Variants in PTPRM observed in about 807,000 individuals in gnomAD.
PTPRM encodes protein tyrosine phosphatase receptor type M, also known as receptor-type tyrosine-protein phosphatase mu.
In PTPRM, 47 loss-of-function variants were observed where a neutral mutation model predicts 186.7. The ratio of observed to expected loss-of-function variants is 0.25; its 90% CI spans 0.20 to 0.32. The LOEUF is 0.32. Among genes scored for constraint, PTPRM ranks in the 10% least tolerant of loss-of-function variants. The pLI, the probability that PTPRM is intolerant of heterozygous loss-of-function variation, is 1.00. For missense variants in PTPRM, 1,494 were observed against 1,865.0 expected (o/e 0.80, Z 3.66); for synonymous variants, 668 against 674.9 (o/e 0.99, Z 0.16).
chr18:8,029,181 C>G (rs1397343472), intron 7 of PTPRM, among the ~76,000 whole-genome samples: 1 of 151,878 alleles, frequency 6.6e-6, no homozygotes, highest in African/African-American at 2.4e-5. Context: ...TCATACCTGT[C>G]CTGCCTGGAG....
chr18:8,109,910 A>C (rs776937103), intron 11 of PTPRM, among the ~76,000 whole-genome samples: 4 of 152,202 alleles, frequency 2.6e-5, no homozygotes, highest in Non-Finnish European at 5.9e-5. Flanking sequence ...ATCCAGGATA[A>C]ACTAAAACAT....
intron 7 of PTPRM, among the ~76,000 whole-genome samples, chr18:7,998,177 A>G (rs1011369865): frequency 1.3e-5 from 2 of 152,170 alleles, no homozygotes; most frequent in African/African-American, 4.8e-5. Flanking sequence ...TATAGTGTAT[A>G]CACAAAAGAA....
chr18:7,747,276 G>A (rs891942190), intron 1 of PTPRM, among the ~76,000 whole-genome samples: 1 of 152,216 alleles, frequency 6.6e-6, no homozygotes, highest in Non-Finnish European at 1.5e-5. Context: ...GGAATCAGGT[G>A]CACTCTAGAG....
chr18:7,909,287 T>C (rs2050147796), intron 4 of PTPRM, among the ~76,000 whole-genome samples: 1 of 152,220 alleles, frequency 6.6e-6, no homozygotes, highest in African/African-American at 2.4e-5. Context: ...GCCATAGAAA[T>C]GGTGTTTATC....
chr18:8,051,442 C>T (rs1023271143), intron 7 of PTPRM, among the ~76,000 whole-genome samples: 3 of 152,144 alleles, frequency 2.0e-5, no homozygotes, highest in Non-Finnish European at 4.4e-5. Flanking sequence ...TCATTTTATC[C>T]CTGTGTCTCC....
intron 2 of PTPRM, among the ~76,000 whole-genome samples, chr18:7,778,571 C>T (rs1247858205): frequency 6.6e-6 from 1 of 152,104 alleles, no homozygotes; most frequent in African/African-American, 2.4e-5. Flanking sequence ...ACCTTCCCGC[C>T]CTGGTTCAAG....
chr18:8,337,887 G>C (rs1324142030), intron 22 of PTPRM, among the ~76,000 whole-genome samples: 1 of 152,154 alleles, frequency 6.6e-6, no homozygotes, highest in Non-Finnish European at 1.5e-5. Context: ...AAGAATTTAG[G>C]GCTTACTCTG....
rs2090397554 is a variant in PTPRM at position 8,085,710 on chromosome 18, G to T, written c.1591G>T (p.Asp531Tyr). Residue 531 changes from aspartate (D) to tyrosine (Y), a missense_variant, in exon 10 of 33, where the codon GAT (aspartate) becomes TAT (tyrosine). Physicochemically the swap from Asp to Tyr is radical, Grantham distance 160 (BLOSUM62 -3). Coordinates refer to ENST00000580170, the MANE Select transcript of PTPRM (RefSeq NM_001105244.2). ...KAVSSFDPEIDLSNQSGRVSK... is the reference protein window; with the variant it reads ...KAVSSFDPEIYLSNQSGRVSK... The stretch of plus-strand genomic sequence containing the variant: ...AGTCAGTTCCTTTGACCCAGAAATA[G>T]ATTTATCCAATCAGAGTGGAAGAGT... 2.5e-6 allele frequency: 4 copies of T among 1,611,008 alleles called. No homozygotes were observed.
intron 14 of PTPRM, among the ~76,000 whole-genome samples, chr18:8,229,195 T>G (rs1249071051): frequency 6.6e-6 from 1 of 152,120 alleles, no homozygotes; most frequent in Non-Finnish European, 1.5e-5. Context: ...GCCTACCACA[T>G]GCCAGGCACT....
intron 20 of PTPRM, among the ~76,000 whole-genome samples, chr18:8,301,931 G>A (rs1478827422): frequency 6.6e-6 from 1 of 152,238 alleles, no homozygotes; most frequent in Non-Finnish European, 1.5e-5. Flanking sequence ...AGACGGAGGA[G>A]TGTGGCCGCC....
intron 5 of PTPRM, among the ~76,000 whole-genome samples, chr18:7,948,169 A>ACACG (rs2052678049): frequency 6.7e-6 from 1 of 149,508 alleles, no homozygotes; most frequent in Non-Finnish European, 1.5e-5. Flanking sequence ...ACACACACAC[A>ACACG]CACACACAGG....
intron 14 of PTPRM, among the ~76,000 whole-genome samples, chr18:8,202,168 CCAG>C: frequency 6.6e-6 from 1 of 152,160 alleles, no homozygotes; most frequent in African/African-American, 2.4e-5. Flanking sequence ...CACAGAGCTT[CCAG>C]TTTCTCAGAC....
At chr18:8,221,838 C>A (rs2094156813) in intron 14 of PTPRM, among the ~76,000 whole-genome samples, 1 of 152,198 alleles carries the variant, frequency 6.6e-6, no homozygotes, top group Non-Finnish European at 1.5e-5. Flanking sequence ...AGACTGTAAC[C>A]TACCAATGAT....
intron 7 of PTPRM, among the ~76,000 whole-genome samples, chr18:7,990,798 G>A (rs1445227237): frequency 1.3e-5 from 2 of 152,158 alleles, no homozygotes; most frequent in African/African-American, 4.8e-5. Flanking sequence ...GTTAATGTCA[G>A]CCCAGTTCTC....
In PTPRM at chr18:8,376,039, A is replaced by G. The variant is rs2095692766; in HGVS notation, c.3172-7A>G. 5 of 1,601,666 alleles carry G rather than the reference A, an allele frequency of 3.1e-6. No homozygotes were observed. In the East Asian group the frequency reaches 6.7e-5, roughly 22 times the overall value. ...TCTTCCTTGTTCTGGCTAACCAACT[A>G]CTGCAGAGAGGTGTGCATGAAATCC... On this transcript the variant is annotated splice_region_variant and splice_polypyrimidine_tract_variant and intron_variant, in intron 24 of 32. Transcript: ENST00000580170.
intron 2 of PTPRM, among the ~76,000 whole-genome samples, chr18:7,881,563 C>A (rs2048510126): frequency 6.6e-6 from 1 of 152,192 alleles, no homozygotes; most frequent in African/African-American, 2.4e-5. Flanking sequence ...TCCCCTTGGC[C>A]CTATCCGATG....
chr18:7,693,133 C>T (rs1377329348), intron 1 of PTPRM, among the ~76,000 whole-genome samples: 1 of 152,212 alleles, frequency 6.6e-6, no homozygotes, highest in Non-Finnish European at 1.5e-5. Flanking sequence ...CCGAGTTGGA[C>T]TGCAGACCAG....
intron 14 of PTPRM, among the ~76,000 whole-genome samples, chr18:8,230,065 A>C (rs1475259910): frequency 1.3e-5 from 2 of 152,232 alleles, no homozygotes; most frequent in Non-Finnish European, 2.9e-5. Flanking sequence ...AGGAAGATAC[A>C]TATCCAAGTC....
At chr18:7,820,236 A>G (rs964949953) in intron 2 of PTPRM, among the ~76,000 whole-genome samples, 1 of 152,132 alleles carries the variant, frequency 6.6e-6, no homozygotes, top group Admixed American at 6.5e-5. Flanking sequence ...TGCCACAGGT[A>G]CATCTACAGA....
Sources: allele counts gnomAD v4.1 joint callset (sites outside exome capture counted in the v4.1 genomes callset), GRCh38; gene constraint gnomAD v4.1.1; transcripts MANE v1.5; gene names NCBI Gene and HGNC (gene_info 2026-07-23, HGNC 2026-07-21).